LNX1: variants seen among roughly 807,000 people sequenced by gnomAD.
LNX1 encodes ligand of numb-protein X 1, also known as E3 ubiquitin-protein ligase LNX.
LNX1 carries 54 observed loss-of-function variants against 68.4 expected under a neutral mutation model. The observed-to-expected ratio is 0.79, with a 90% CI of 0.63 to 0.99. The LOEUF (loss-of-function observed/expected upper bound fraction) is 0.99, where lower values mean the gene tolerates loss of function less well. LNX1 is among the 50% of genes least tolerant of loss of function. The probability of loss-of-function intolerance (pLI) is 0.00; values close to 1 mark genes in which losing one functional copy is unlikely to be tolerated. For synonymous variants in LNX1, 336 were observed against 350.0 expected, an observed-to-expected ratio of 0.96 and a Z score of 0.45; for missense variants, 906 against 926.4, an observed-to-expected ratio of 0.98 and a Z score of 0.29.
chr4:53,644,266 T>G (rs376726400), intron 1 of LNX1, among the ~76,000 whole-genome samples: 5 of 151,976 alleles, frequency 3.3e-5, no homozygotes, highest in African/African-American at 1.2e-4. Context: ...ATGGTTATGG[T>G]GGCATGCTCC....
chr4:53,464,744 A>C (rs1466083699), intron 9 of LNX1, among the ~76,000 whole-genome samples: 1 of 150,404 alleles, frequency 6.6e-6, no homozygotes, highest in Non-Finnish European at 1.5e-5. Context: ...AGACAATCTC[A>C]CGTAGAAATG....
chr4:53,621,809 T>A (rs1338388320), upstream of LNX1, among the ~76,000 whole-genome samples: 1 of 152,180 alleles, frequency 6.6e-6, no homozygotes, highest in Non-Finnish European at 1.5e-5. Context: ...GGCACCGATT[T>A]GAGAGTTGGA....
intron 6 of LNX1, among the ~76,000 whole-genome samples, chr4:53,495,290 TTCAACAGTGACCCTGACGAAG>T (rs1351275033): frequency 2.6e-5 from 4 of 152,254 alleles, no homozygotes; most frequent in South Asian, 2.1e-4. Flanking sequence ...AAAAAAAAAT[TTCAACAGTGACCCTGACGAAG>T]TCAACAAAAT....
intron 1 of LNX1, among the ~76,000 whole-genome samples, chr4:53,616,930 T>C (rs1372269649): frequency 6.6e-6 from 1 of 152,202 alleles, no homozygotes; most frequent in African/African-American, 2.4e-5. Flanking sequence ...TAGTCATTTA[T>C]AAAAGTTCCC....
chr4:53,581,142 G>A (rs911626112), intron 1 of LNX1, among the ~76,000 whole-genome samples: 1 of 152,142 alleles, frequency 6.6e-6, no homozygotes, highest in Admixed American at 6.5e-5. Context: ...ATCCAAGGAG[G>A]TATACTGGTC....
chr4:53,598,993 G>C (rs1316723908), intron 2 of LNX1, among the ~76,000 whole-genome samples: 2 of 152,190 alleles, frequency 1.3e-5, no homozygotes, highest in South Asian at 2.1e-4. Flanking sequence ...GCTTAACAGA[G>C]GAGTGTTACA....
intron 2 of LNX1, among the ~76,000 whole-genome samples, chr4:53,526,914 G>C (rs543873409): frequency 6.6e-6 from 1 of 152,090 alleles, no homozygotes; most frequent in Non-Finnish European, 1.5e-5. Flanking sequence ...TAAAATTATA[G>C]AGCTAATTCT....
At chr4:53,517,905 G>A (rs1315058070) in intron 2 of LNX1, among the ~76,000 whole-genome samples, 2 of 113,842 alleles carry the variant, frequency 1.8e-5, no homozygotes, top group African/African-American at 3.3e-5. Context: ...ATGAACTTGA[G>A]GCTGAATGGC....
chr4:53,577,506 C>A (rs913029008), intron 1 of LNX1, among the ~76,000 whole-genome samples: 1 of 152,186 alleles, frequency 6.6e-6, no homozygotes, highest in Non-Finnish European at 1.5e-5. Flanking sequence ...TCAGATACTT[C>A]CAGATCTTCC....
At chr4:53,558,388 A>G (rs17717318) in intron 2 of LNX1, 26,900 of 470,866 alleles carry the variant, frequency 0.057, 886 homozygotes, top group Non-Finnish European at 0.066. Flanking sequence ...CCACGGTGTG[A>G]ATAATTAAAT....
intron 2 of LNX1, among the ~76,000 whole-genome samples, chr4:53,528,990 A>G (rs566539000): frequency 6.6e-6 from 1 of 152,196 alleles, no homozygotes; most frequent in African/African-American, 2.4e-5. Context: ...CCCAATACAG[A>G]GAGAATGCAT....
At chr4:53,528,786 C>T (rs1006369921) in intron 2 of LNX1, among the ~76,000 whole-genome samples, 1 of 152,102 alleles carries the variant, frequency 6.6e-6, no homozygotes, top group African/African-American at 2.4e-5. Flanking sequence ...CACCATCTCC[C>T]TGGAAGGTGG....
In LNX1 at chr4:53,481,833, G is replaced by A. The variant is rs1723936978; in HGVS notation, c.1372C>T (p.Leu458Phe). The A allele has an allele frequency of 6.2e-7, 1 of 1,608,882 alleles. No homozygotes were observed. The highest frequency in any genetic ancestry group is 1.7e-5 in the Admixed American group (1 of 59,516). ...LIQASERRVH[L>F]VVSRQVRQRS... ...TGCCGAACCTGGCGGGACACGACGA[G>A]GTGAACACGTCTTTCACTGGCCTGG... Residue 458 changes from leucine to phenylalanine, a missense_variant, in exon 7 of 11, where the codon CTC becomes TTC. Transcript: ENST00000263925.
chr4:53,519,061 T>A (rs1727012527), intron 2 of LNX1, among the ~76,000 whole-genome samples: 1 of 152,172 alleles, frequency 6.6e-6, no homozygotes, highest in Admixed American at 6.5e-5. Context: ...GCATGCCTCA[T>A]AGGTCAGTGC....
intron 6 of LNX1, among the ~76,000 whole-genome samples, chr4:53,494,986 G>T (rs1280123882): frequency 6.6e-6 from 1 of 152,148 alleles, no homozygotes; most frequent in East Asian, 1.9e-4. Flanking sequence ...ATTTCCAAGG[G>T]TTAAGGAGGA....
At chr4:53,557,143 T>C (rs1729965098) in intron 2 of LNX1, among the ~76,000 whole-genome samples, 1 of 152,228 alleles carries the variant, frequency 6.6e-6, no homozygotes, top group African/African-American at 2.4e-5. Flanking sequence ...GTTGGTGACA[T>C]GAGGCATTTC....
intron 1 of LNX1, among the ~76,000 whole-genome samples, chr4:53,588,373 C>A (rs763401807): frequency 3.3e-5 from 5 of 152,182 alleles, no homozygotes; most frequent in South Asian, 2.1e-4. Flanking sequence ...CAACCCATTT[C>A]ATCTTCATGA....
chr4:53,579,205 G>A (rs1293811001), intron 1 of LNX1: 41 of 941,674 alleles, frequency 4.4e-5, no homozygotes, highest in Non-Finnish European at 5.1e-5. Flanking sequence ...TGTTTTGGCA[G>A]TTTAGAGTAA....
intron 1 of LNX1, among the ~76,000 whole-genome samples, chr4:53,634,791 C>T (rs1734405570): frequency 6.6e-6 from 1 of 151,834 alleles, no homozygotes; most frequent in South Asian, 2.1e-4. Flanking sequence ...CATGTTTGTC[C>T]TGGGAAGTAG....
Sources: allele counts gnomAD v4.1 joint callset (sites outside exome capture counted in the v4.1 genomes callset), GRCh38; gene constraint gnomAD v4.1.1; transcripts MANE v1.5; gene names NCBI Gene and HGNC (gene_info 2026-07-23, HGNC 2026-07-21).